SDK1: variants seen among roughly 807,000 people sequenced by gnomAD.
The protein encoded by SDK1 is sidekick cell adhesion molecule 1, also known as protein sidekick-1.
In SDK1, 157 loss-of-function variants were observed where a neutral mutation model predicts 245.5. The ratio of observed to expected loss-of-function variants is 0.64; its 90% confidence interval spans 0.56 to 0.73. The LOEUF is 0.73. Among genes scored for constraint, SDK1 ranks in the 30% least tolerant of loss-of-function variants. SDK1 has a pLI of 0.00. For missense variants in SDK1, 3,583 were observed against 3,002.3 expected (o/e 1.19, Z -4.52); for synonymous variants, 1,647 against 1,278.5 (o/e 1.29, Z -6.15).
At chr7:3,400,579 A>G (rs11982674) in intron 1 of SDK1, among the ~76,000 whole-genome samples, 15,417 of 152,238 alleles carry the variant, frequency 0.1, 1,003 homozygotes, top group African/African-American at 0.17. Context: ...ACAAAAATAG[A>G]TAAACATAAA....
intron 4 of SDK1, among the ~76,000 whole-genome samples, chr7:3,783,383 G>C (rs943429144): frequency 1.8e-4 from 28 of 151,586 alleles, no homozygotes; most frequent in African/African-American, 6.3e-4. Flanking sequence ...AAAATAAATA[G>C]AAGGCATCGT....
chr7:3,969,434 A>T lies in SDK1; in HGVS notation c.1714+10A>T. On this transcript the variant is annotated intron_variant, in intron 11 of 44. Transcript: ENST00000404826. ...ACGCTCACTGTGTGGAGTAAGGAGC[A>T]GCCCTCGCACGTCGGCCTTCTGTTA... 3 of 1,541,690 alleles carry T rather than the reference A, an allele frequency of 1.9e-6. No individual in the cohort carries two copies. The South Asian group carries it at 3.8e-5, about 19-fold the overall frequency.
chr7:3,924,558 G>A (rs940734847), intron 5 of SDK1, among the ~76,000 whole-genome samples: 2 of 152,162 alleles, frequency 1.3e-5, no homozygotes, highest in African/African-American at 2.4e-5. Flanking sequence ...CAGGAATTCT[G>A]TTTGGGTCTC....
intron 1 of SDK1, among the ~76,000 whole-genome samples, chr7:3,305,814 C>T (rs1167439229): frequency 4.4e-5 from 5 of 114,788 alleles, no homozygotes; most frequent in African/African-American, 1.9e-4. Flanking sequence ...GCATAGCCAC[C>T]TGTAGCTGTC....
chr7:3,699,109 C>G (rs1033656788), intron 4 of SDK1, among the ~76,000 whole-genome samples: 4 of 152,194 alleles, frequency 2.6e-5, no homozygotes, highest in Non-Finnish European at 4.4e-5. Context: ...GGCGGCACTT[C>G]TCTTGGATTC....
intron 30 of SDK1, among the ~76,000 whole-genome samples, chr7:4,150,665 G>A (rs1389207750): frequency 6.6e-6 from 1 of 152,240 alleles, no homozygotes; most frequent in East Asian, 1.9e-4. Context: ...CAGGTCCCAG[G>A]TGAAGCCCCT....
intron 14 of SDK1, among the ~76,000 whole-genome samples, chr7:4,000,303 G>A (rs1784977656): frequency 6.6e-6 from 1 of 152,216 alleles, no homozygotes; most frequent in South Asian, 2.1e-4. Flanking sequence ...CCTCCAGCAT[G>A]GAACGTTCTG....
chr7:3,459,175 C>G (rs1780760279), intron 1 of SDK1, among the ~76,000 whole-genome samples: 1 of 152,106 alleles, frequency 6.6e-6, no homozygotes, highest in Non-Finnish European at 1.5e-5. Context: ...TGCATTTTAT[C>G]TGAAATTGCA....
chr7:3,601,610 T>G (rs1781256251), intron 1 of SDK1, among the ~76,000 whole-genome samples: 1 of 151,916 alleles, frequency 6.6e-6, no homozygotes, highest in Non-Finnish European at 1.5e-5. Flanking sequence ...TATTTTAGTC[T>G]TGCTAGAGGT....
intron 38 of SDK1, among the ~76,000 whole-genome samples, chr7:4,215,265 C>A (rs1443047932): frequency 6.6e-6 from 1 of 152,226 alleles, no homozygotes; most frequent in Non-Finnish European, 1.5e-5. Flanking sequence ...GATGAAGATT[C>A]CCAATTGGTG....
rs758058157 is a variant in SDK1, at chr7:3,969,352, G to A, written c.1642G>A (p.Ala548Thr). The change falls in exon 11 of 45, where the codon GCC (alanine) becomes ACC (threonine). Residue 548 changes from alanine (A) to threonine (T), a missense_variant. Ala to Thr is a moderately conservative substitution (Grantham distance 58, BLOSUM62 0). Coordinates refer to ENST00000404826, the MANE Select transcript of SDK1 (RefSeq NM_152744.4). ...GATCGCGCCCGTCTTCATCCAGGAT[G>A]CCGGCAACTACACCTGCTATGCGGC... is the stretch of plus-strand genomic sequence containing the variant. ...LQIAPVFIQD[A>T]GNYTCYAANT... The A allele has an allele frequency of 6.2e-7, 1 of 1,611,510 alleles. No individual in the cohort carries two copies. The highest frequency in any genetic ancestry group is 8.5e-7 in the Non-Finnish European group (1 of 1,178,958).
intron 1 of SDK1, among the ~76,000 whole-genome samples, chr7:3,425,633 G>C (rs1425638023): frequency 6.6e-6 from 1 of 152,110 alleles, no homozygotes; most frequent in Non-Finnish European, 1.5e-5. Context: ...CTGTATTCAA[G>C]GTTTAGGCAG....
chr7:3,746,007 C>T (rs1779606837), intron 4 of SDK1, among the ~76,000 whole-genome samples: 3 of 152,160 alleles, frequency 2.0e-5, no homozygotes, highest in Middle Eastern at 3.2e-3. Flanking sequence ...AGGTTTCCCT[C>T]ATCTGTAAAG....
At chr7:3,589,890 A>G (rs1275084684) in intron 1 of SDK1, among the ~76,000 whole-genome samples, 8 of 152,222 alleles carry the variant, frequency 5.3e-5, no homozygotes, top group Non-Finnish European at 8.8e-5. Context: ...GTGAGGAATA[A>G]GCCAAGTAAT....
intron 25 of SDK1, among the ~76,000 whole-genome samples, chr7:4,116,968 C>T (rs1783756242): frequency 6.6e-6 from 1 of 152,236 alleles, no homozygotes; most frequent in Non-Finnish European, 1.5e-5. Context: ...GACGCACCCA[C>T]ATGCAGCCTG....
intron 1 of SDK1, among the ~76,000 whole-genome samples, chr7:3,504,044 G>A (rs1782306304): frequency 6.6e-6 from 1 of 151,870 alleles, no homozygotes; most frequent in Non-Finnish European, 1.5e-5. Context: ...CAGCTACTCG[G>A]GAGGCTGAGG....
intron 1 of SDK1, among the ~76,000 whole-genome samples, chr7:3,310,203 A>G (rs184496398): frequency 1.4e-4 from 22 of 152,256 alleles, no homozygotes; most frequent in East Asian, 1.2e-3. Context: ...TTGCATTCCT[A>G]TTGCTTCAGA....
chr7:4,234,843 C>G (rs1315845927), intron 41 of SDK1, among the ~76,000 whole-genome samples: 1 of 152,190 alleles, frequency 6.6e-6, no homozygotes, highest in African/African-American at 2.4e-5. Flanking sequence ...ATCTCAGCAG[C>G]ATGAAGGGCA....
chr7:3,749,590 C>T (rs1213332377), intron 4 of SDK1, among the ~76,000 whole-genome samples: 3 of 152,128 alleles, frequency 2.0e-5, no homozygotes, highest in Non-Finnish European at 2.9e-5. Context: ...TGAGCCACCG[C>T]GCCCAGCCGA....
Sources: allele counts gnomAD v4.1 joint callset (sites outside exome capture counted in the v4.1 genomes callset), GRCh38; gene constraint gnomAD v4.1.1; transcripts MANE v1.5; gene names NCBI Gene and HGNC (gene_info 2026-07-23, HGNC 2026-07-21).